Variants in SPATS2 observed in about 807,000 individuals in gnomAD.
The protein encoded by SPATS2 is spermatogenesis associated serine rich 2, also known as spermatogenesis-associated serine-rich protein 2.
SPATS2 carries 38 observed loss-of-function variants against 63.7 expected under a neutral mutation model. The observed-to-expected ratio is 0.60, with a 90% CI of 0.46 to 0.78. SPATS2 has a LOEUF of 0.78. SPATS2 is among the 30% of genes least tolerant of loss of function. SPATS2 has a pLI of 0.00. For missense variants in SPATS2, 588 were observed against 666.2 expected (o/e 0.88, Z 1.29); for synonymous variants, 207 against 232.9 (o/e 0.89, Z 1.01).
chr12:49,420,574 C>T (rs1426922336), intron 2 of SPATS2, among the ~76,000 whole-genome samples: 1 of 151,856 alleles, frequency 6.6e-6, no homozygotes, highest in African/African-American at 2.4e-5. Flanking sequence ...CGGGGCAAGA[C>T]CCCATCTCAA....
chr12:49,494,346 C>CAT (rs1159742501), intron 6 of SPATS2, among the ~76,000 whole-genome samples: 1 of 152,154 alleles, frequency 6.6e-6, no homozygotes, highest in African/African-American at 2.4e-5. Flanking sequence ...ACTGAGGTTG[C>CAT]ATATCATTCT....
At chr12:49,523,538 CACA>C (rs1946977926) in intron 12 of SPATS2, among the ~76,000 whole-genome samples, 1 of 152,010 alleles carries the variant, frequency 6.6e-6, no homozygotes, top group East Asian at 1.9e-4. Context: ...TCTTGTCTGG[CACA>C]TAATAGATCC....
intron 3 of SPATS2, chr12:49,462,661 A>G: frequency 1.7e-6 from 1 of 579,944 alleles, no homozygotes; most frequent in Non-Finnish European, 3.1e-6. Context: ...TTTATTGCTG[A>G]TGAAAGTGGC....
chr12:49,519,972 G>A (rs865824161), intron 11 of SPATS2, among the ~76,000 whole-genome samples: 7 of 151,032 alleles, frequency 4.6e-5, no homozygotes, highest in Middle Eastern at 3.4e-3. Context: ...CTGCCACCAC[G>A]CCTGGCTAAT....
At chr12:49,382,199 A>G (rs1039305217) in intron 2 of SPATS2, among the ~76,000 whole-genome samples, 1 of 152,340 alleles carries the variant, frequency 6.6e-6, no homozygotes, top group African/African-American at 2.4e-5. Flanking sequence ...GGTGGATTCA[A>G]ATGCTGCTTT....
intron 2 of SPATS2, among the ~76,000 whole-genome samples, chr12:49,398,554 G>C (rs1565702347): frequency 6.6e-6 from 1 of 152,192 alleles, no homozygotes; most frequent in Non-Finnish European, 1.5e-5. Flanking sequence ...TGGGTTTCTT[G>C]TTTGGGAGAC....
intron 2 of SPATS2, among the ~76,000 whole-genome samples, chr12:49,447,577 T>C (rs999733501): frequency 6.6e-6 from 1 of 152,242 alleles, no homozygotes; most frequent in African/African-American, 2.4e-5. Flanking sequence ...AGAATTCTAT[T>C]ATTTCTTCTT....
intron 3 of SPATS2, among the ~76,000 whole-genome samples, chr12:49,478,256 G>C (rs529953722): frequency 3.3e-4 from 51 of 152,282 alleles, no homozygotes; most frequent in African/African-American, 1.2e-3. Context: ...TGGGATTACA[G>C]GTGTGAGCCA....
chr12:49,434,656 G>T (rs1330467261), intron 2 of SPATS2, among the ~76,000 whole-genome samples: 1 of 152,150 alleles, frequency 6.6e-6, no homozygotes, highest in East Asian at 1.9e-4. Context: ...GAGTCATTGA[G>T]CTGTACCCTC....
intron 2 of SPATS2, among the ~76,000 whole-genome samples, chr12:49,431,537 C>T (rs1034891698): frequency 2.0e-5 from 3 of 152,170 alleles, no homozygotes; most frequent in East Asian, 3.8e-4. Flanking sequence ...CATGAGCCAC[C>T]GCACCGGGCC....
intron 2 of SPATS2, among the ~76,000 whole-genome samples, chr12:49,381,361 G>T (rs1351149097): frequency 1.3e-5 from 2 of 152,152 alleles, no homozygotes; most frequent in Admixed American, 6.6e-5. Context: ...GCCACATGTG[G>T]CCTGAATTGG....
chr12:49,437,225 CAG>C, intron 2 of SPATS2, among the ~76,000 whole-genome samples: 1 of 151,624 alleles, frequency 6.6e-6, no homozygotes, highest in Non-Finnish European at 1.5e-5. Context: ...CCTCACATCC[CAG>C]ACGGGGCGGC....
At chr12:49,446,697 G>A (rs11609068) in intron 2 of SPATS2, among the ~76,000 whole-genome samples, 12,165 of 152,122 alleles carry the variant, frequency 0.08, 542 homozygotes, top group African/African-American at 0.092. Flanking sequence ...AATTTCTCCC[G>A]TCTTAAGGGC....
intron 2 of SPATS2, among the ~76,000 whole-genome samples, chr12:49,375,471 T>C (rs1039578836): frequency 2.0e-5 from 3 of 152,230 alleles, no homozygotes; most frequent in African/African-American, 7.2e-5. Flanking sequence ...ATTATCCACT[T>C]GGTCTCTGAT....
intron 2 of SPATS2, among the ~76,000 whole-genome samples, chr12:49,399,557 A>G (rs1336060012): frequency 6.6e-6 from 1 of 152,218 alleles, no homozygotes; most frequent in Non-Finnish European, 1.5e-5. Context: ...TAGGAGGGCT[A>G]AAAACTTTCA....
chr12:49,512,814 T>C, intron 9 of SPATS2: 1 of 1,272,718 alleles, frequency 7.9e-7, no homozygotes, highest in Non-Finnish European at 1.0e-6. Flanking sequence ...TGTCAAACTG[T>C]AGGCCTGGCA....
At chr12:49,419,055 C>G (rs931606179) in intron 2 of SPATS2, among the ~76,000 whole-genome samples, 1 of 152,186 alleles carries the variant, frequency 6.6e-6, no homozygotes, top group Non-Finnish European at 1.5e-5. Flanking sequence ...CTGACACATA[C>G]TCCTGTTCCC....
intron 2 of SPATS2, among the ~76,000 whole-genome samples, chr12:49,450,880 T>G (rs1181578317): frequency 1.3e-5 from 2 of 151,678 alleles, no homozygotes; most frequent in African/African-American, 2.4e-5. Flanking sequence ...TTTGTTTTTT[T>G]TTTCTTGAGA....
At chr12:49,454,345 A>G (rs1421992378) in intron 2 of SPATS2, 1 of 152,318 alleles carries the variant, frequency 6.6e-6, no homozygotes, top group Non-Finnish European at 1.5e-5. Context: ...GCAACAGAAG[A>G]GAACACACAT....
Sources: allele counts gnomAD v4.1 joint callset (sites outside exome capture counted in the v4.1 genomes callset), GRCh38; gene constraint gnomAD v4.1.1; transcripts MANE v1.5; gene names NCBI Gene and HGNC (gene_info 2026-07-23, HGNC 2026-07-21).